TENT4A: variants seen among roughly 807,000 people sequenced by gnomAD.
TENT4A encodes DNA polymerase kappa.
A neutral mutation model predicts 72.8 loss-of-function variants in TENT4A; 7 were observed. That is an observed-to-expected ratio of 0.10 (90% CI 0.05 to 0.18). The LOEUF (loss-of-function observed/expected upper bound fraction) is 0.18, where lower values mean the gene tolerates loss of function less well. Among genes scored for constraint, TENT4A ranks in the 10% least tolerant of loss-of-function variants. The pLI, the probability that TENT4A is intolerant of heterozygous loss-of-function variation, is 1.00. For missense variants in TENT4A, 831 were observed against 1,017.7 expected (o/e 0.82, Z 2.50); for synonymous variants, 456 against 434.3 (o/e 1.05, Z -0.62).
chr5:6,730,452 A>G (rs1398409423), intron 1 of TENT4A, among the ~76,000 whole-genome samples: 1 of 152,210 alleles, frequency 6.6e-6, no homozygotes, highest in Non-Finnish European at 1.5e-5. Flanking sequence ...TGGCTGTCTC[A>G]GGAGGCTCAC....
At position 6,755,937 on chromosome 5, in the gene TENT4A, G is replaced by A. The variant is rs1742672266; in HGVS notation, c.*992G>A. 6.6e-6 allele frequency: 1 copy of A among 152,246 alleles called. No individual in the cohort carries two copies. The highest frequency in any genetic ancestry group is 1.5e-5 in the Non-Finnish European group (1 of 68,042). The allele number at this position is 152,246 out of a possible 1,614,324, so 9.4% of individuals were successfully genotyped here. A position where few individuals can be genotyped will look rare whatever the true frequency, so the allele number is the denominator to read the frequency against. The stretch of plus-strand genomic sequence containing the variant: ...CGCTTCGGTCAGTTTTAGTGACATA[G>A]CCTGTGATGATGGGTCTGGTGACTA... On this transcript the variant is annotated 3_prime_UTR_variant, in exon 13 of 13. Transcript: ENST00000230859.
At chr5:6,714,839 T>A in intron 1 of TENT4A, 140 bp downstream of exon 1, 1 of 360,950 alleles carries the variant, frequency 2.8e-6, no homozygotes, top group Non-Finnish European at 4.6e-6. Flanking sequence ...GACTCTGCAC[T>A]GAAAGTTTTT....
chr5:6,719,739 C>T (rs1740555957), intron 1 of TENT4A, among the ~76,000 whole-genome samples: 1 of 152,198 alleles, frequency 6.6e-6, no homozygotes, highest in African/African-American at 2.4e-5. Context: ...TTTCTCCCAA[C>T]ACTGGGGATG....
rs190583792 is a variant in TENT4A at position 6,741,271 on chromosome 5, C to T, written c.1009-1219C>T. Among the ~76,000 whole-genome samples the T allele has an allele frequency of 1.4e-4, 22 of 152,248 alleles. No individual in the cohort carries two copies. The East Asian group carries it at 3.9e-3, about 27-fold the overall frequency. On this transcript the variant is annotated intron_variant, in intron 4 of 12. Coordinates refer to ENST00000230859, the MANE Select transcript of TENT4A (RefSeq NM_006999.6). Reference sequence around the variant, plus strand: ...TTTCTGGGGAGCACTGTGCAGCCGGCCAGTCATGGGCACAAGAGACCCAGG... The same window carrying T: ...TTTCTGGGGAGCACTGTGCAGCCGGTCAGTCATGGGCACAAGAGACCCAGG...
chr5:6,746,152 G>C, intron 6 of TENT4A, 62 bp from the exon 7 acceptor site: 1 of 1,612,236 alleles, frequency 6.2e-7, no homozygotes, highest in East Asian at 2.2e-5. Context: ...ACTTCGTCGC[G>C]TGCTATTTTC....
At chr5:6,746,518 G>A (rs913494761) in intron 7 of TENT4A, 91 bp downstream of exon 7, 62 of 1,163,568 alleles carry the variant, frequency 5.3e-5, no homozygotes, top group African/African-American at 3.7e-4. Flanking sequence ...TGAGAGCCCC[G>A]GGCAGTTCAT....
intron 4 of TENT4A, 100 bp downstream of exon 4, chr5:6,739,952 C>A: frequency 8.8e-7 from 1 of 1,131,692 alleles, no homozygotes; most frequent in Non-Finnish European, 1.3e-6. Flanking sequence ...GTATTTTACA[C>A]AGTTATTGGC....
At chr5:6,749,209 TG>T (rs1382679626) in intron 8 of TENT4A, among the ~76,000 whole-genome samples, 2 of 152,148 alleles carry the variant, frequency 1.3e-5, no homozygotes, top group Non-Finnish European at 2.9e-5. Flanking sequence ...GGCGGAGCTC[TG>T]GGCCCCATGT....
Position 6,713,941 on chromosome 5 carries a change from T to G in TENT4A, c.-43T>G, listed in dbSNP as rs1460531451. On this transcript the variant is annotated 5_prime_UTR_variant, in exon 1 of 13. Coordinates refer to ENST00000230859, the MANE Select transcript of TENT4A (RefSeq NM_006999.6). ...GGGGCGCGGCGGGGGCGGGGCCGCG[T>G]CGGGGCGGGCGGGCGCGCGGGCCCC... The G allele has an allele frequency of 4.1e-5, 34 of 836,238 alleles. No individual in the cohort carries two copies. The highest frequency in any genetic ancestry group is 1.1e-4 in the South Asian group (2 of 18,862). 51.8% of individuals were successfully genotyped at this position (836,238 alleles called of 1,614,324 possible). A position where few individuals can be genotyped will look rare whatever the true frequency, so the allele number is the denominator to read the frequency against.
rs557000750 is a variant in TENT4A at position 6,753,894 on chromosome 5, G to T, written c.2184+857G>T. Among the ~76,000 whole-genome samples, 17 of 152,160 alleles carry T rather than the reference G, an allele frequency of 1.1e-4. 1 individual carries two copies. Among genetic ancestry groups the T allele is most frequent in the Admixed American group, 3.3e-4 (5 of 15,284 alleles). The stretch of plus-strand genomic sequence containing the variant: ...GGGTGAAAGAACAACTTCGCACACC[G>T]GCCTCTTCTTTGCATTTTGGCTTTG... On this transcript the variant is annotated intron_variant, in intron 12 of 12. Transcript: ENST00000230859.
intron 1 of TENT4A, among the ~76,000 whole-genome samples, chr5:6,735,056 T>C (rs983751247): frequency 6.6e-6 from 1 of 152,258 alleles, no homozygotes; most frequent in Admixed American, 6.5e-5. Context: ...CAGGTAGAAC[T>C]TAAAGTTGAC....
At position 6,730,102 on chromosome 5, in the gene TENT4A, C is replaced by A. The variant is rs545714617; in HGVS notation, c.717-7408C>A. ...AGATAATGTTGTTTCTCCGCCCCCC[C>A]CCGGAGTGGCCCCAGGACCTTGCAT... On this transcript the variant is annotated intron_variant, in intron 1 of 12. Coordinates refer to ENST00000230859, the MANE Select transcript of TENT4A (RefSeq NM_006999.6). Among the ~76,000 whole-genome samples, 180 of 151,738 alleles carry A rather than the reference C, an allele frequency of 1.2e-3. 1 individual carries two copies. The highest frequency in any genetic ancestry group is 4.0e-3 in the African/African-American group (165 of 41,082).
chr5:6,729,790 T>C (rs1741114425), intron 1 of TENT4A, among the ~76,000 whole-genome samples: 1 of 152,164 alleles, frequency 6.6e-6, no homozygotes, highest in African/African-American at 2.4e-5. Flanking sequence ...TGTGCTGAGC[T>C]GGGTTGAGGA....
intron 12 of TENT4A, among the ~76,000 whole-genome samples, chr5:6,753,676 G>A (rs975365105): frequency 1.3e-5 from 2 of 152,366 alleles, no homozygotes; most frequent in African/African-American, 4.8e-5. Context: ...CTTGGGCTCT[G>A]CGGATGCTCG....
At chr5:6,733,711 CT>C (rs35251134) in intron 1 of TENT4A, among the ~76,000 whole-genome samples, 89,763 of 151,974 alleles carry the variant, frequency 0.59, 27,261 homozygotes, top group Middle Eastern at 0.67. Flanking sequence ...CTGTGGCAGA[CT>C]TTTTGGAGAA....
chr5:6,748,573 A>G lies in TENT4A; in HGVS notation c.1569A>G (p.Pro523=), dbSNP rs745796162. The change falls in exon 8 of 13, where the codon CCA becomes CCG. Residue 523 remains proline, a synonymous_variant. Coordinates refer to ENST00000230859, the MANE Select transcript of TENT4A (RefSeq NM_006999.6). ...HAVSPLARSY[P]NRDAESTLGR... is the part of the protein sequence containing the mutation. ...TGTCACCGCTGGCCAGGTCCTATCCAAACAGAGACGCCGAAAGGTAATGGG... is the reference window on the plus strand; with the variant it reads ...TGTCACCGCTGGCCAGGTCCTATCCGAACAGAGACGCCGAAAGGTAATGGG... 1.2e-6 allele frequency: 2 copies of G among 1,613,382 alleles called. No individual in the cohort carries two copies. Among genetic ancestry groups the G allele is most frequent in the South Asian group, 1.1e-5 (1 of 91,062 alleles).
At chr5:6,742,744 A>G (rs1741873197) in intron 5 of TENT4A, 147 bp downstream of exon 5, 1 of 578,766 alleles carries the variant, frequency 1.7e-6, no homozygotes, top group African/African-American at 1.9e-5. Flanking sequence ...CTACAATATT[A>G]TTTCTAGAGA....
chr5:6,714,109 C>T lies in TENT4A; in HGVS notation c.126C>T (p.Cys42=). 1 of 983,274 alleles carries T rather than the reference C, an allele frequency of 1.0e-6. No individual in the cohort carries two copies. The highest frequency in any genetic ancestry group is 1.2e-6 in the Non-Finnish European group (1 of 829,934). 60.9% of individuals were successfully genotyped at this position (983,274 alleles called of 1,614,324 possible). A position where few individuals can be genotyped will look rare whatever the true frequency, so the allele number is the denominator to read the frequency against. The change falls in exon 1 of 13, where the codon TGC becomes TGT. Residue 42 remains cysteine, a synonymous_variant. Coordinates refer to ENST00000230859, the MANE Select transcript of TENT4A (RefSeq NM_006999.6). ...GCTCGGGCTTCGCGTCCTATTTCTG[C>T]CTCAACTCGCCGGCGCTGGACACGG... ...RGGSGFASYF[C]LNSPALDTAA...
chr5:6,747,625 G>A (rs1464870084), intron 7 of TENT4A, among the ~76,000 whole-genome samples: 1 of 152,106 alleles, frequency 6.6e-6, no homozygotes, highest in Non-Finnish European at 1.5e-5. Context: ...ATTTTTGTCC[G>A]TTGGATGAGT....
Sources: allele counts gnomAD v4.1 joint callset (sites outside exome capture counted in the v4.1 genomes callset), GRCh38; gene constraint gnomAD v4.1.1; transcripts MANE v1.5; gene names NCBI Gene and HGNC (gene_info 2026-07-23, HGNC 2026-07-21).